Variants in CENPP observed in about 807,000 individuals in gnomAD.
CENPP encodes centromere protein P.
In CENPP, 24 loss-of-function variants were observed where a neutral mutation model predicts 35.6. That is an observed-to-expected ratio of 0.67 (90% CI 0.49 to 0.95). CENPP has a LOEUF of 0.95. CENPP is among the 40% of genes least tolerant of loss of function. CENPP has a pLI of 0.00. For synonymous variants in CENPP, 120 were observed against 125.5 expected, an observed-to-expected ratio of 0.96 and a Z score of 0.29; for missense variants, 332 against 345.3, an observed-to-expected ratio of 0.96 and a Z score of 0.31.
chr9:92,607,201 GT>G (rs898866488), intron 5 of CENPP, among the ~76,000 whole-genome samples: 119 of 142,100 alleles, frequency 8.4e-4, no homozygotes, highest in Non-Finnish European at 1.1e-3. Flanking sequence ...ATTGAAGTTT[GT>G]TTTTTTTATC....
Position 92,433,962 on chromosome 9 carries a change from C to G in CENPP, c.564+54103C>G, listed in dbSNP as rs1289290661. Among the ~76,000 whole-genome samples the G allele has an allele frequency of 2.0e-5, 3 of 152,108 alleles. No homozygotes were observed. The East Asian group carries it at 5.8e-4, about 29-fold the overall frequency. ...AAAAAGTATACATTTTTTTAAACAT[C>G]AACTGTTTAAAATACACTTATCTTA... On this transcript the variant is annotated intron_variant, in intron 5 of 7. Coordinates refer to ENST00000375587, the MANE Select transcript of CENPP (RefSeq NM_001012267.3).
intron 5 of CENPP, among the ~76,000 whole-genome samples, chr9:92,503,976 C>T (rs1044217311): frequency 1.4e-4 from 21 of 152,144 alleles, no homozygotes; most frequent in Admixed American, 7.2e-4. Flanking sequence ...CGCATTTGTG[C>T]GCTTGTATGC....
At chr9:92,446,658 G>C (rs1844558790) in intron 5 of CENPP, among the ~76,000 whole-genome samples, 1 of 152,050 alleles carries the variant, frequency 6.6e-6, no homozygotes, top group East Asian at 1.9e-4. Flanking sequence ...ATTCAGAAAA[G>C]TATATTGAAC....
chr9:92,510,277 G>A (rs559664321), intron 5 of CENPP, among the ~76,000 whole-genome samples: 2 of 152,252 alleles, frequency 1.3e-5, no homozygotes, highest in African/African-American at 2.4e-5. Flanking sequence ...TACTCACCAC[G>A]TTTATATTGC....
At chr9:92,446,488 G>A (rs1844554595) in intron 5 of CENPP, among the ~76,000 whole-genome samples, 1 of 152,184 alleles carries the variant, frequency 6.6e-6, no homozygotes, top group Non-Finnish European at 1.5e-5. Flanking sequence ...GAATATAACA[G>A]TGTATCTCTA....
intron 5 of CENPP, among the ~76,000 whole-genome samples, chr9:92,472,626 C>T (rs1845568226): frequency 6.6e-6 from 1 of 152,034 alleles, no homozygotes; most frequent in Non-Finnish European, 1.5e-5. Context: ...CCATTGTACT[C>T]CAGCCTGGGT....
intron 5 of CENPP, chr9:92,466,570 C>T (rs1484379348): frequency 3.1e-6 from 5 of 1,612,750 alleles, no homozygotes; most frequent in Non-Finnish European, 4.2e-6. Flanking sequence ...CAGGATCAGA[C>T]CCTTGATCAA....
intron 5 of CENPP, among the ~76,000 whole-genome samples, chr9:92,428,983 T>A (rs1364323345): frequency 6.6e-6 from 1 of 152,254 alleles, no homozygotes; most frequent in East Asian, 1.9e-4. Flanking sequence ...AATCTTGTTG[T>A]TAGCTAACTC....
At chr9:92,354,862 G>A (rs1175737) in intron 4 of CENPP, among the ~76,000 whole-genome samples, 14,971 of 152,140 alleles carry the variant, frequency 0.098, 981 homozygotes, top group South Asian at 0.21. Context: ...TGGGGGTGAC[G>A]TCACATATCA....
At chr9:92,544,802 G>A (rs1286845630) in intron 5 of CENPP, among the ~76,000 whole-genome samples, 1 of 147,222 alleles carries the variant, frequency 6.8e-6, no homozygotes, top group African/African-American at 2.5e-5. Context: ...TGCAACCTCC[G>A]CCTCTCGGGT....
chr9:92,546,910 T>C (rs1337892064), intron 5 of CENPP, among the ~76,000 whole-genome samples: 3 of 152,200 alleles, frequency 2.0e-5, no homozygotes, highest in African/African-American at 7.2e-5. Context: ...CACAGGTCTC[T>C]ATATTCTTCA....
rs565888765 is a variant in CENPP, at chr9:92,403,656, T to G, written c.564+23797T>G. ...TCTGAAAAATAGTTTTGGAAAATAG[T>G]TTTACTTCTCTATCAGAAATTCAAG... On this transcript the variant is annotated intron_variant, in intron 5 of 7. Coordinates refer to ENST00000375587, the MANE Select transcript of CENPP (RefSeq NM_001012267.3). 41 of 1,123,412 alleles carry G rather than the reference T, an allele frequency of 3.6e-5. No homozygotes were observed. In the South Asian group the frequency reaches 1.3e-3, roughly 36 times the overall value. The allele number at this position is 1,123,412 out of a possible 1,614,324, so 69.6% of individuals were successfully genotyped here. A position where few individuals can be genotyped will look rare whatever the true frequency, so the allele number is the denominator to read the frequency against.
chr9:92,524,010 G>A (rs947805017), intron 5 of CENPP, among the ~76,000 whole-genome samples: 3 of 152,228 alleles, frequency 2.0e-5, no homozygotes, highest in Non-Finnish European at 1.5e-5. Context: ...CTCATTACCA[G>A]TAAAGGTGGT....
chr9:92,396,080 A>G (rs912960182), intron 5 of CENPP, among the ~76,000 whole-genome samples: 4 of 152,128 alleles, frequency 2.6e-5, no homozygotes, highest in African/African-American at 9.7e-5. Flanking sequence ...AAATTTTCCT[A>G]CAGTTGTCTG....
rs59704602 is a variant in CENPP at position 92,552,190 on chromosome 9, TACACAC to T, written c.565-59103_565-59098del. On this transcript the variant is annotated intron_variant, in intron 5 of 7. Transcript: ENST00000375587. ...TATGTGATATGATAGATCTATCATATACACACACACACACACACACACACACCCCAC... is the reference window on the plus strand; with the variant it reads ...TATGTGATATGATAGATCTATCATATACACACACACACACACACACCCCAC... 1.1e-3 allele frequency among the ~76,000 whole-genome samples: 113 copies of T among 106,430 alleles called. 1 individual carries two copies. The highest frequency in any genetic ancestry group is 3.4e-3 in the African/African-American group (87 of 25,344). 69.8% of individuals were successfully genotyped at this position (106,430 alleles called of 152,430 possible).
chr9:92,482,761 G>A (rs1475936098), intron 5 of CENPP, among the ~76,000 whole-genome samples: 2 of 152,178 alleles, frequency 1.3e-5, no homozygotes, highest in African/African-American at 2.4e-5. Flanking sequence ...TACTCAACCT[G>A]TATAGACTAA....
intron 6 of CENPP, among the ~76,000 whole-genome samples, chr9:92,611,906 CCTCAA>C (rs1461068264): frequency 2.6e-5 from 4 of 152,158 alleles, no homozygotes; most frequent in Admixed American, 6.5e-5. Context: ...TGTGTGAATG[CCTCAA>C]CTCAACTGGT....
At chr9:92,408,646 C>G (rs1043248318) in intron 5 of CENPP, among the ~76,000 whole-genome samples, 4 of 152,132 alleles carry the variant, frequency 2.6e-5, no homozygotes, top group Non-Finnish European at 5.9e-5. Flanking sequence ...TGATAATTCT[C>G]TGTTGTGGGG....
At chr9:92,507,189 G>T (rs565431563) in intron 5 of CENPP, among the ~76,000 whole-genome samples, 55 of 152,310 alleles carry the variant, frequency 3.6e-4, no homozygotes, top group South Asian at 3.5e-3. Context: ...TGGTGGTGGT[G>T]CTCAGGATTA....
Sources: allele counts gnomAD v4.1 joint callset (sites outside exome capture counted in the v4.1 genomes callset), GRCh38; gene constraint gnomAD v4.1.1; transcripts MANE v1.5; gene names NCBI Gene and HGNC (gene_info 2026-07-23, HGNC 2026-07-21).